Variants in LARS2 observed in about 807,000 individuals in gnomAD.
LARS2 encodes the protein leucyl-tRNA synthetase 2, mitochondrial.
In LARS2, 81 loss-of-function variants were observed where a neutral mutation model predicts 116.6. That is an observed-to-expected ratio of 0.69 (90% CI 0.58 to 0.84). The LOEUF (loss-of-function observed/expected upper bound fraction) is 0.84, where lower values mean the gene tolerates loss of function less well. Among genes scored for constraint, LARS2 ranks in the 40% least tolerant of loss-of-function variants. The pLI is 0.00. For synonymous variants in LARS2, 396 were observed against 407.2 expected, an observed-to-expected ratio of 0.97 and a Z score of 0.33; for missense variants, 968 against 1,114.5, an observed-to-expected ratio of 0.87 and a Z score of 1.87.
intron 7 of LARS2, among the ~76,000 whole-genome samples, chr3:45,448,783 GT>G (rs934299242): frequency 2.6e-5 from 4 of 152,226 alleles, no homozygotes; most frequent in African/African-American, 4.8e-5. Flanking sequence ...CCTTTAAGTG[GT>G]TTTCCCCCCT....
intron 10 of LARS2, among the ~76,000 whole-genome samples, chr3:45,478,806 C>G (rs934786007): frequency 1.3e-5 from 2 of 152,168 alleles, no homozygotes; most frequent in African/African-American, 4.8e-5. Flanking sequence ...CATCACGTCC[C>G]TGGATTTTTG....
chr3:45,547,613 C>A lies in LARS2; in HGVS notation c.*83C>A. On this transcript the variant is annotated 3_prime_UTR_variant, in exon 22 of 22. Transcript: ENST00000645846. The stretch of plus-strand genomic sequence containing the variant: ...GATGAGGGGGCGATGTCTGCTGGCC[C>A]AGGGGAAGGGAAAAGACAAATGTCT... The A allele has an allele frequency of 7.8e-7, 1 of 1,278,188 alleles. No individual in the cohort carries two copies. Among genetic ancestry groups the A allele is most frequent in the Non-Finnish European group, 1.1e-6 (1 of 916,214 alleles). The allele number at this position is 1,278,188 out of a possible 1,614,324, so 79.2% of individuals were successfully genotyped here. A position where few individuals can be genotyped will look rare whatever the true frequency, so the allele number is the denominator to read the frequency against.
At chr3:45,519,890 C>T (rs983459322) in intron 18 of LARS2, 1 of 200,752 alleles carries the variant, frequency 5.0e-6, no homozygotes, top group African/African-American at 2.4e-5. Flanking sequence ...TCAAGTAATC[C>T]ACCCACCTCG....
At position 45,488,695 on chromosome 3, in the gene LARS2, A is replaced by G; in HGVS notation, c.1124-2A>G. 2 of 1,558,716 alleles carry G rather than the reference A, an allele frequency of 1.3e-6. No individual in the cohort carries two copies. The highest frequency in any genetic ancestry group is 2.2e-5 in the East Asian group (1 of 44,588). On this transcript the variant is annotated splice_acceptor_variant, in intron 11 of 21. Transcript: ENST00000645846. LOFTEE classifies it high-confidence loss of function. The stretch of plus-strand genomic sequence containing the variant: ...TGTTTTCTTTTCTTCTCCTCTGAAT[A>G]GGAATTCCCAGTACTAGCTCAGAGG...
chr3:45,401,004 G>A (rs951839835), intron 4 of LARS2, among the ~76,000 whole-genome samples: 1 of 151,906 alleles, frequency 6.6e-6, no homozygotes, highest in Non-Finnish European at 1.5e-5. Flanking sequence ...TAGTAGAGAC[G>A]GTTTCACTGT....
intron 7 of LARS2, among the ~76,000 whole-genome samples, chr3:45,447,313 T>G (rs908444900): frequency 6.6e-6 from 1 of 152,132 alleles, no homozygotes; most frequent in African/African-American, 2.4e-5. Context: ...GGAAACATGG[T>G]TTTGTATCTG....
intron 8 of LARS2, among the ~76,000 whole-genome samples, chr3:45,466,092 T>C (rs987660649): frequency 2.6e-5 from 4 of 152,224 alleles, no homozygotes; most frequent in Non-Finnish European, 4.4e-5. Context: ...ATACTTCTTA[T>C]GGTATATGGA....
In LARS2 at chr3:45,464,860, A is replaced by C. The variant is rs76184914; in HGVS notation, c.750+5974A>C. Among the ~76,000 whole-genome samples the C allele has an allele frequency of 3.9e-3, 596 of 152,234 alleles. 4 individuals are homozygous for C. The highest frequency in any genetic ancestry group is 0.012 in the African/African-American group (507 of 41,530). ...CCAGGGCTGGGATTTGGTGATGATG[A>C]TGCTGCTTGGGTTTATCTACAATGA... On this transcript the variant is annotated intron_variant, in intron 8 of 21. Transcript: ENST00000645846.
chr3:45,477,629 A>G (rs1403147733), intron 10 of LARS2, among the ~76,000 whole-genome samples: 1 of 152,250 alleles, frequency 6.6e-6, no homozygotes, highest in Admixed American at 6.5e-5. Context: ...GTAGACAAAA[A>G]GAAATCCATT....
chr3:45,453,130 T>G (rs1699160982), intron 7 of LARS2, among the ~76,000 whole-genome samples: 2 of 152,228 alleles, frequency 1.3e-5, no homozygotes, highest in South Asian at 4.2e-4. Context: ...ATTGGCCTTT[T>G]TCTTTCTTTT....
At chr3:45,507,894 A>G (rs1700222897) in intron 15 of LARS2, among the ~76,000 whole-genome samples, 1 of 152,058 alleles carries the variant, frequency 6.6e-6, no homozygotes. Context: ...CAAAGAAGGA[A>G]AATATGCTGA....
chr3:45,405,259 G>A (rs1484913199), intron 4 of LARS2, among the ~76,000 whole-genome samples: 1 of 152,120 alleles, frequency 6.6e-6, no homozygotes, highest in Non-Finnish European at 1.5e-5. Flanking sequence ...CAACCATCAT[G>A]TCAGGTTTTT....
chr3:45,419,817 A>AAGG, intron 6 of LARS2, 88 bp downstream of exon 6: 2 of 1,069,844 alleles, frequency 1.9e-6, no homozygotes. Context: ...GAGTTGGGAG[A>AAGG]AGGCAAGGGT....
intron 3 of LARS2, among the ~76,000 whole-genome samples, chr3:45,399,610 C>T (rs1291172008): frequency 1.3e-5 from 2 of 151,974 alleles, no homozygotes; most frequent in South Asian, 2.1e-4. Context: ...ACCCTCTCTT[C>T]GGGTCTGCAT....
In LARS2 at chr3:45,548,731, A is replaced by G. The variant is rs1458654520; in HGVS notation, c.*1201A>G. 6.6e-6 allele frequency: 1 copy of G among 152,206 alleles called. No homozygotes were observed. The highest frequency in any genetic ancestry group is 1.9e-4 in the East Asian group (1 of 5,202). 9.4% of individuals were successfully genotyped at this position (152,206 alleles called of 1,614,324 possible). ...ATTTTATAATGCCAGAAATCTATATATGTTATCTGATGCCATTTTTCTGAA... is the reference window on the plus strand; with the variant it reads ...ATTTTATAATGCCAGAAATCTATATGTGTTATCTGATGCCATTTTTCTGAA... On this transcript the variant is annotated 3_prime_UTR_variant, in exon 22 of 22. Coordinates refer to ENST00000645846, the MANE Select transcript of LARS2 (RefSeq NM_015340.4).
chr3:45,434,718 C>T (rs553055785), intron 6 of LARS2, among the ~76,000 whole-genome samples: 104 of 152,294 alleles, frequency 6.8e-4, no homozygotes, highest in African/African-American at 2.4e-3. Flanking sequence ...TAGCAGGCCT[C>T]CTCTGATATT....
intron 11 of LARS2, among the ~76,000 whole-genome samples, chr3:45,486,250 T>C (rs1699811688): frequency 6.6e-6 from 1 of 152,144 alleles, no homozygotes; most frequent in African/African-American, 2.4e-5. Flanking sequence ...GGCTGGGTTT[T>C]GGTGAAGGCT....
chr3:45,487,544 A>C (rs891911962), intron 11 of LARS2, among the ~76,000 whole-genome samples: 2 of 152,216 alleles, frequency 1.3e-5, no homozygotes, highest in African/African-American at 4.8e-5. Context: ...TGAGTATGTC[A>C]GCAGCTTTTA....
At chr3:45,462,699 C>T (rs1014748667) in intron 8 of LARS2, among the ~76,000 whole-genome samples, 1 of 152,128 alleles carries the variant, frequency 6.6e-6, no homozygotes, top group Non-Finnish European at 1.5e-5. Flanking sequence ...ATCTTTAGAG[C>T]TTTGTATTTG....
Sources: gnomAD v4.1 joint callset for allele counts (sites outside exome capture counted in the v4.1 genomes callset) on GRCh38, gnomAD v4.1.1 for gene constraint, MANE v1.5 for transcripts, NCBI Gene and HGNC (gene_info 2026-07-23, HGNC 2026-07-21) for gene names.